Variants in NBL1 observed in about 807,000 individuals in gnomAD.
The protein encoded by NBL1 is neuroblastoma suppressor of tumorigenicity 1.
A neutral mutation model predicts 16.0 loss-of-function variants in NBL1; 9 were observed. The observed-to-expected ratio is 0.56, with a 90% CI of 0.34 to 0.98. NBL1 has a LOEUF of 0.98. Ranked by LOEUF, NBL1 falls within the 50% of genes least tolerant of loss-of-function variation. The probability of loss-of-function intolerance (pLI) is 0.02; values close to 1 mark genes in which losing one functional copy is unlikely to be tolerated. For missense variants in NBL1, 196 were observed against 243.1 expected (o/e 0.81, Z 1.29); for synonymous variants, 86 against 100.7 (o/e 0.85, Z 0.87).
chr1:19,654,667 C>T (rs942398035), intron 1 of NBL1, among the ~76,000 whole-genome samples: 1 of 152,026 alleles, frequency 6.6e-6, no homozygotes, highest in Non-Finnish European at 1.5e-5. Context: ...GGCACCATCT[C>T]CCCTTTTTAG....
At chr1:19,652,995 T>C (rs1459308749) in intron 1 of NBL1, among the ~76,000 whole-genome samples, 1 of 106,596 alleles carries the variant, frequency 9.4e-6, no homozygotes, top group African/African-American at 3.7e-5. Flanking sequence ...CTCAAAAAAA[T>C]AGATAAGTAA....
At chr1:19,645,718 C>G in intron 1 of NBL1, 1 of 1,328,134 alleles carries the variant, frequency 7.5e-7, no homozygotes, top group African/African-American at 1.5e-5. Context: ...TCGGTGACCC[C>G]TACCCCTCTC....
At position 19,654,998 on chromosome 1, in the gene NBL1, G is replaced by C; in HGVS notation, c.-19-14G>C. The C allele has an allele frequency of 1.3e-6, 2 of 1,562,092 alleles. No homozygotes were observed. The highest frequency in any genetic ancestry group is 8.7e-7 in the Non-Finnish European group (1 of 1,153,398). On this transcript the variant is annotated splice_polypyrimidine_tract_variant and intron_variant, in intron 1 of 3. Coordinates refer to ENST00000375136, the MANE Select transcript of NBL1 (RefSeq NM_005380.8). Reference sequence around the variant, plus strand: ...CCTTGCTGTGCCTCACCTGGCACCTGTGCTCCGTTCTAGGGCTCTGGAGGC... The same window carrying C: ...CCTTGCTGTGCCTCACCTGGCACCTCTGCTCCGTTCTAGGGCTCTGGAGGC...
upstream of NBL1, chr1:19,644,111 G>A: frequency 3.1e-6 from 3 of 974,872 alleles, no homozygotes; most frequent in Non-Finnish European, 3.7e-6. This position sits in a 1 kb window ranked among gnomAD's most constrained non-coding sequence, Gnocchi z 4.6. Context: ...AGCTCAGCCC[G>A]GGGCGGGCGG....
upstream of NBL1, chr1:19,644,285 C>G: frequency 1.0e-6 from 1 of 979,454 alleles, no homozygotes; most frequent in South Asian, 4.7e-5. This position sits in a 1 kb window ranked among gnomAD's most constrained non-coding sequence, Gnocchi z 4.6. Flanking sequence ...GAGCCGCTCC[C>G]CCGCGCCGCG....
At chr1:19,654,899 T>C in intron 1 of NBL1, 113 bp from the exon 2 acceptor site, 1 of 1,358,946 alleles carries the variant, frequency 7.4e-7, no homozygotes, top group Non-Finnish European at 9.7e-7. Flanking sequence ...GGTTAGTAAG[T>C]GGGAGAGCTG....
rs138522416 is a variant in NBL1 at position 19,657,877 on chromosome 1, C to G, written c.*748C>G. Reference sequence around the variant, plus strand: ...AAGGAGGGGGACAACCCCCCAAGACCATCCCTGAAGACGAGCATCCCCCTC... The same window carrying G: ...AAGGAGGGGGACAACCCCCCAAGACGATCCCTGAAGACGAGCATCCCCCTC... On this transcript the variant is annotated 3_prime_UTR_variant, in exon 4 of 4. Transcript: ENST00000375136. 9.2e-3 allele frequency: 1,407 copies of G among 152,880 alleles called. 21 individuals are homozygous for G. Among genetic ancestry groups the G allele is most frequent in the African/African-American group, 0.032 (1,331 of 41,552 alleles). The allele number at this position is 152,880 out of a possible 1,614,324, so 9.5% of individuals were successfully genotyped here. A position where few individuals can be genotyped will look rare whatever the true frequency, so the allele number is the denominator to read the frequency against.
chr1:19,646,699 A>C (rs1005054085), intron 1 of NBL1, among the ~76,000 whole-genome samples: 1 of 152,236 alleles, frequency 6.6e-6, no homozygotes, highest in Non-Finnish European at 1.5e-5. Context: ...AGTGGGGCAC[A>C]GCCTGTTTTC....
chr1:19,650,849 G>A (rs566601860), intron 1 of NBL1, among the ~76,000 whole-genome samples: 29 of 152,304 alleles, frequency 1.9e-4, no homozygotes, highest in African/African-American at 6.7e-4. Flanking sequence ...CCACCCCACC[G>A]GTGGGGGCAG....
chr1:19,651,784 G>A (rs1040031333), intron 1 of NBL1, among the ~76,000 whole-genome samples: 1 of 151,990 alleles, frequency 6.6e-6, no homozygotes, highest in African/African-American at 2.4e-5. Context: ...GCAGCCCCAA[G>A]CCTGGTCTCA....
At position 19,652,426 on chromosome 1, in the gene NBL1, GC is replaced by G. The variant is rs1485747931; in HGVS notation, c.-19-2584del. ...CAAGACCGGAAATGCGTGGGTGAGG[GC>G]CTGGATCGTGACAGGAACTCATTTG... On this transcript the variant is annotated intron_variant, in intron 1 of 3. Coordinates refer to ENST00000375136, the MANE Select transcript of NBL1 (RefSeq NM_005380.8). Among the ~76,000 whole-genome samples, 7 of 151,922 alleles carry G rather than the reference GC, an allele frequency of 4.6e-5. No individual in the cohort carries two copies. In the East Asian group the frequency reaches 1.4e-3, roughly 29 times the overall value.
At chr1:19,647,832 C>G (rs932581701) in intron 1 of NBL1, among the ~76,000 whole-genome samples, 1 of 151,398 alleles carries the variant, frequency 6.6e-6, no homozygotes, top group South Asian at 2.1e-4. Context: ...TTGCTGGAAC[C>G]GGTAACAGGA....
intron 1 of NBL1, among the ~76,000 whole-genome samples, chr1:19,654,275 G>A (rs1431750680): frequency 1.3e-5 from 2 of 152,120 alleles, no homozygotes; most frequent in Non-Finnish European, 2.9e-5. Flanking sequence ...GGTGGCGGAC[G>A]CCTGTAGTCC....
At chr1:19,643,527 G>T, upstream of NBL1, 1 of 1,477,558 alleles carries the variant, frequency 6.8e-7, no homozygotes. The surrounding 1 kb of genome is among the most constrained non-coding windows in gnomAD (Gnocchi z 4.7). Context: ...GAGAAGGTAC[G>T]GCCGCAATCC....
chr1:19,647,246 A>G (rs1447398984), intron 1 of NBL1, among the ~76,000 whole-genome samples: 2 of 152,048 alleles, frequency 1.3e-5, no homozygotes. Flanking sequence ...CAACAAAGGG[A>G]GACCTTGTCT....
upstream of NBL1, chr1:19,644,265 C>G (rs1286259586): frequency 2.0e-6 from 2 of 978,998 alleles, no homozygotes; most frequent in African/African-American, 3.5e-5. The surrounding 1 kb of genome is among the most constrained non-coding windows in gnomAD (Gnocchi z 4.6). Context: ...AGGGAGCCAC[C>G]CTGACGTCGG....
In NBL1 at chr1:19,649,001, G is replaced by A. The variant is rs555665154; in HGVS notation, c.-20+4555G>A. ...AGTCCAGGCAGTGGCTGAACGCTAGGGTGTTAACAGGAATGAGAGGCGCAG... is the reference window on the plus strand; with the variant it reads ...AGTCCAGGCAGTGGCTGAACGCTAGAGTGTTAACAGGAATGAGAGGCGCAG... On this transcript the variant is annotated intron_variant, in intron 1 of 3. Coordinates refer to ENST00000375136, the MANE Select transcript of NBL1 (RefSeq NM_005380.8). Among the ~76,000 whole-genome samples, 110 of 152,248 alleles carry A rather than the reference G, an allele frequency of 7.2e-4. 1 individual carries two copies. Among genetic ancestry groups the A allele is most frequent in the African/African-American group, 2.5e-3 (102 of 41,526 alleles).
intron 1 of NBL1, among the ~76,000 whole-genome samples, chr1:19,653,256 A>G (rs2100432360): frequency 7.0e-6 from 1 of 143,086 alleles, no homozygotes; most frequent in African/African-American, 2.6e-5. Context: ...ACTGCACTCC[A>G]GCCTGGGCAA....
rs2095062526 is a variant in NBL1, at chr1:19,657,387, TC to T, written c.*260del. 1 of 217,428 alleles carries T rather than the reference TC, an allele frequency of 4.6e-6. No individual in the cohort carries two copies. The highest frequency in any genetic ancestry group is 2.4e-5 in the African/African-American group (1 of 41,668). 13.5% of individuals were successfully genotyped at this position (217,428 alleles called of 1,614,324 possible). On this transcript the variant is annotated 3_prime_UTR_variant, in exon 4 of 4. Coordinates refer to ENST00000375136, the MANE Select transcript of NBL1 (RefSeq NM_005380.8). ...TCTTTTTTTGGGGGGGGTGGTCTCT[TC>T]CTGTCTGGCTTCTAGAGATGTGCCT...
Sources: allele counts gnomAD v4.1 joint callset (sites outside exome capture counted in the v4.1 genomes callset), GRCh38; gene constraint gnomAD v4.1.1; non-coding constraint Gnocchi (gnomAD v3.1); transcripts MANE v1.5; gene names NCBI Gene and HGNC (gene_info 2026-07-23, HGNC 2026-07-21).